KDM6A: variants seen among roughly 807,000 people sequenced by gnomAD.
KDM6A encodes lysine-specific demethylase 6A.
A neutral mutation model predicts 117.6 loss-of-function variants in KDM6A; 11 were observed. The ratio of observed to expected loss-of-function variants is 0.09; its 90% CI spans 0.06 to 0.15. KDM6A has a LOEUF of 0.15. KDM6A is among the 10% of genes least tolerant of loss of function. The pLI is 1.00. For missense variants in KDM6A, 799 were observed against 1,077.3 expected, an observed-to-expected ratio of 0.74 and a Z score of 3.62; for synonymous variants, 384 against 396.1, an observed-to-expected ratio of 0.97 and a Z score of 0.36.
chrX:44,929,121 AG>A (rs2036476503), intron 2 of KDM6A, among the ~76,000 whole-genome samples: 1 of 110,473 alleles, frequency 9.1e-6, no homozygotes, highest in Admixed American at 9.7e-5. Flanking sequence ...TAGTAGAGAC[AG>A]GGTTTTACCA....
chrX:44,916,459 T>C (rs1163497843), intron 2 of KDM6A, among the ~76,000 whole-genome samples: 2 of 110,864 alleles, frequency 1.8e-5, no homozygotes, highest in Non-Finnish European at 3.8e-5. Context: ...ACTTTTTGAA[T>C]TAAATTTTCC....
In KDM6A at chrX:44,927,752, G is replaced by A. The variant is rs574531315; in HGVS notation, c.226-33532G>A. 2.1e-4 allele frequency among the ~76,000 whole-genome samples: 23 copies of A among 111,371 alleles called. 1 individual carries two copies. The South Asian group carries it at 7.7e-3, about 37-fold the overall frequency. ...CATAACCTCTTATTTATCATTAGCCGGTCACCAAACTATACTGACCTAGGA... is the reference window on the plus strand; with the variant it reads ...CATAACCTCTTATTTATCATTAGCCAGTCACCAAACTATACTGACCTAGGA... On this transcript the variant is annotated intron_variant, in intron 2 of 29. Transcript: ENST00000611820.
chrX:45,030,280 C>T lies in KDM6A; in HGVS notation c.565-4651C>T, dbSNP rs181169427. Among the ~76,000 whole-genome samples the T allele has an allele frequency of 8.1e-3, 766 of 95,069 alleles. 9 individuals are homozygous for T. The highest frequency in any genetic ancestry group is 0.028 in the African/African-American group (732 of 25,747). The allele number at this position is 95,069 out of a possible 115,157, so 82.6% of individuals were successfully genotyped here. ...TTTTGAACATCTTCAGTATACAGTG[C>T]GTTTTGTCCCCCACCCCCCACCCCT... On this transcript the variant is annotated intron_variant, in intron 6 of 29. Transcript: ENST00000611820.
intron 3 of KDM6A, among the ~76,000 whole-genome samples, chrX:44,961,684 T>C (rs1414694830): frequency 1.8e-5 from 2 of 111,969 alleles, no homozygotes; most frequent in Non-Finnish European, 3.8e-5. Context: ...TATTTGTACA[T>C]TGATGGATAC....
At chrX:44,955,429 T>C (rs1217869448) in intron 2 of KDM6A, among the ~76,000 whole-genome samples, 1 of 111,490 alleles carries the variant, frequency 9.0e-6, no homozygotes, top group Non-Finnish European at 1.9e-5. Flanking sequence ...TAGGTGCTCA[T>C]TGATGAGTGA....
chrX:44,950,325 A>G (rs1333843721), intron 2 of KDM6A, among the ~76,000 whole-genome samples: 1 of 111,723 alleles, frequency 9.0e-6, no homozygotes, highest in Admixed American at 9.5e-5. Flanking sequence ...GGCCTTGCCA[A>G]CTTTTTCATA....
intron 6 of KDM6A, among the ~76,000 whole-genome samples, chrX:45,034,289 T>C (rs1016559421): frequency 4.5e-5 from 5 of 112,099 alleles, no homozygotes; most frequent in African/African-American, 1.6e-4. Context: ...TATGATATTA[T>C]TACAAGTGGA....
chrX:45,062,792 G>C (rs372429864), intron 16 of KDM6A, 44 bp downstream of exon 16: 2 of 854,091 alleles, frequency 2.3e-6, no homozygotes, highest in East Asian at 3.1e-5. Context: ...AGCATTTTGA[G>C]TATTTTTATT....
At position 44,925,670 on chromosome X, in the gene KDM6A, T is replaced by C. The variant is rs61246763; in HGVS notation, c.226-35614T>C. On this transcript the variant is annotated intron_variant, in intron 2 of 29. Coordinates refer to ENST00000611820, the MANE Select transcript of KDM6A (RefSeq NM_001291415.2). ...ATACACCATGAAAGGGAGTAAGGAA[T>C]GGTATAGGAGTGAAAGGATCAAGTG... Among the ~76,000 whole-genome samples, 860 of 111,403 alleles carry C rather than the reference T, an allele frequency of 7.7e-3. 14 individuals are homozygous for C. Among genetic ancestry groups the C allele is most frequent in the African/African-American group, 0.027 (824 of 30,623 alleles).
In KDM6A at chrX:44,873,404, T is replaced by G; in HGVS notation, c.-148T>G. ...GCCGCCGCCTTCACCGCCGCCGCGT[T>G]GGGATTTTTCGTCGCCGCCGCCCGC... On this transcript the variant is annotated 5_prime_UTR_variant, in exon 1 of 30. Coordinates refer to ENST00000611820, the MANE Select transcript of KDM6A (RefSeq NM_001291415.2). 1.5e-5 allele frequency: 12 copies of G among 800,432 alleles called. No individual in the cohort carries two copies. The highest frequency in any genetic ancestry group is 2.5e-5 in the South Asian group (1 of 40,461). The allele number at this position is 800,432 out of a possible 1,213,427, so 66.0% of individuals were successfully genotyped here.
At chrX:45,015,412 G>A (rs1031734062) in intron 5 of KDM6A, among the ~76,000 whole-genome samples, 23 of 111,537 alleles carry the variant, frequency 2.1e-4, no homozygotes, top group African/African-American at 7.5e-4. Context: ...ACGGAGCCTG[G>A]TGTAAAGTTT....
At chrX:44,937,004 C>T (rs1485421973) in intron 2 of KDM6A, among the ~76,000 whole-genome samples, 12 of 111,331 alleles carry the variant, frequency 1.1e-4, no homozygotes, top group Non-Finnish European at 3.8e-5. Flanking sequence ...GTTGACCCTT[C>T]GCAAATTATT....
intron 4 of KDM6A, among the ~76,000 whole-genome samples, chrX:44,977,600 A>G (rs1184557796): frequency 9.0e-6 from 1 of 111,305 alleles, no homozygotes; most frequent in Non-Finnish European, 1.9e-5. Context: ...TCTTTAGTAT[A>G]GATTCCTTTA....
At chrX:45,044,951 C>A (rs889270467) in intron 8 of KDM6A, among the ~76,000 whole-genome samples, 1 of 111,272 alleles carries the variant, frequency 9.0e-6, no homozygotes, top group African/African-American at 3.3e-5. Context: ...TGCTATAATA[C>A]TTATCTATAT....
chrX:44,964,075 G>T (rs780156015), intron 3 of KDM6A, among the ~76,000 whole-genome samples: 4 of 110,273 alleles, frequency 3.6e-5, no homozygotes, highest in Admixed American at 2.9e-4. Flanking sequence ...TTTCCAGAAG[G>T]CTTTCAATTT....
chrX:44,970,244 C>G (rs1455309674), intron 3 of KDM6A, among the ~76,000 whole-genome samples: 1 of 111,735 alleles, frequency 8.9e-6, no homozygotes, highest in Non-Finnish European at 1.9e-5. Flanking sequence ...AGAAATGGCT[C>G]AATTACAAAT....
At chrX:45,039,554 G>A (rs1156571967) in intron 8 of KDM6A, among the ~76,000 whole-genome samples, 7 of 65,815 alleles carry the variant, frequency 1.1e-4, no homozygotes, top group Admixed American at 2.4e-4. Flanking sequence ...GGTGTTTCTC[G>A]CAGAGGGGGA....
chrX:45,027,965 T>C (rs2042449525), intron 6 of KDM6A, among the ~76,000 whole-genome samples: 1 of 110,553 alleles, frequency 9.0e-6, no homozygotes, highest in Non-Finnish European at 1.9e-5. Flanking sequence ...GGCTAATTTT[T>C]GTATTTTTAG....
chrX:44,919,252 T>C (rs1171118647), intron 2 of KDM6A, among the ~76,000 whole-genome samples: 1 of 111,648 alleles, frequency 9.0e-6, no homozygotes, highest in African/African-American at 3.3e-5. Context: ...CAGGATCTCA[T>C]CCAGGATACT....
Sources: gnomAD v4.1 joint callset for allele counts (sites outside exome capture counted in the v4.1 genomes callset) on GRCh38, gnomAD v4.1.1 for gene constraint, MANE v1.5 for transcripts, NCBI Gene and HGNC (gene_info 2026-07-23, HGNC 2026-07-21) for gene names.